RHOH: variants seen among roughly 807,000 people sequenced by gnomAD.
RHOH encodes the protein rho-related GTP-binding protein RhoH.
In RHOH, 6 loss-of-function variants were observed where a neutral mutation model predicts 13.8. The observed-to-expected ratio is 0.44, with a 90% CI of 0.24 to 0.86. RHOH has a LOEUF of 0.86. Ranked by LOEUF, RHOH falls within the 40% of genes least tolerant of loss-of-function variation. The pLI, the probability that RHOH is intolerant of heterozygous loss-of-function variation, is 0.24. For synonymous variants in RHOH, 117 were observed against 103.0 expected (o/e 1.14, Z -0.82); for missense variants, 147 against 244.5 (o/e 0.60, Z 2.66).
rs1726091599 is a variant in RHOH at position 40,218,055 on chromosome 4, T to A, written c.-331+20755T>A. ...TGACTGTTTTAAGGTATGGAGTGCT[T>A]TGTACAAGGTACAAAACTTCTGTCC... is the stretch of plus-strand genomic sequence containing the variant. On this transcript the variant is annotated intron_variant, in intron 1 of 2. Coordinates refer to ENST00000381799, the MANE Select transcript of RHOH (RefSeq NM_004310.5). The surrounding 1 kb of genome is among the most constrained non-coding windows in gnomAD (Gnocchi z 4.1). 6.6e-6 allele frequency: 1 copy of A among 152,174 alleles called. No individual in the cohort carries two copies. The highest frequency in any genetic ancestry group is 2.4e-5 in the African/African-American group (1 of 41,444). The allele number at this position is 152,174 out of a possible 1,614,324, so 9.4% of individuals were successfully genotyped here.
intron 1 of RHOH, among the ~76,000 whole-genome samples, chr4:40,222,472 T>C (rs139902422): frequency 2.3e-4 from 35 of 152,318 alleles, no homozygotes; most frequent in African/African-American, 8.4e-4. Flanking sequence ...TTATGCTAAA[T>C]CTACTTTGCC....
In RHOH at chr4:40,245,921, G is replaced by A. The variant is rs1323786350; in HGVS notation, c.*1959G>A. The A allele has an allele frequency of 1.3e-5, 2 of 152,136 alleles. No individual in the cohort carries two copies. The highest frequency in any genetic ancestry group is 1.9e-4 in the East Asian group (1 of 5,192). The allele number at this position is 152,136 out of a possible 1,614,324, so 9.4% of individuals were successfully genotyped here. A position where few individuals can be genotyped will look rare whatever the true frequency, so the allele number is the denominator to read the frequency against. ...TGATCTCTGGTGGGAGGATTGCCTC[G>A]GTTCCCTGGGGCTGACACAGCTGCC... On this transcript the variant is annotated 3_prime_UTR_variant, in exon 3 of 3. Coordinates refer to ENST00000381799, the MANE Select transcript of RHOH (RefSeq NM_004310.5).
chr4:40,191,855 G>A (rs1722721368), upstream of RHOH, among the ~76,000 whole-genome samples: 1 of 151,716 alleles, frequency 6.6e-6, no homozygotes, highest in Non-Finnish European at 1.5e-5. Context: ...AACAGCAGGG[G>A]AAATGATGTT....
At chr4:40,235,604 A>G (rs1262304621) in intron 1 of RHOH, among the ~76,000 whole-genome samples, 4 of 146,248 alleles carry the variant, frequency 2.7e-5, no homozygotes, top group African/African-American at 7.6e-5. Context: ...AAAAAAAAAA[A>G]AAAAGAAAAA....
intron 1 of RHOH, among the ~76,000 whole-genome samples, chr4:40,207,825 G>A (rs780644770): frequency 1.3e-5 from 2 of 152,120 alleles, no homozygotes; most frequent in African/African-American, 2.4e-5. Flanking sequence ...AAATTAGCCA[G>A]GCGTGGTTGC....
At chr4:40,224,153 T>G (rs1485820442) in intron 1 of RHOH, among the ~76,000 whole-genome samples, 1 of 152,214 alleles carries the variant, frequency 6.6e-6, no homozygotes, top group Admixed American at 6.5e-5. Context: ...TGCAGTGGTC[T>G]GGAACTGAAC....
At chr4:40,215,877 G>C (rs1015171713) in intron 1 of RHOH, among the ~76,000 whole-genome samples, 1 of 152,020 alleles carries the variant, frequency 6.6e-6, no homozygotes, top group Admixed American at 6.5e-5. Flanking sequence ...CCAAAATCAC[G>C]CCACTGCAGT....
intron 1 of RHOH, 135 bp downstream of exon 1, chr4:40,197,435 G>C (rs1723317346): frequency 6.6e-6 from 1 of 152,158 alleles, no homozygotes; most frequent in Admixed American, 6.5e-5. Flanking sequence ...TCAATTTACA[G>C]GGGGACGGGG....
At chr4:40,242,666 AG>A (rs1202235054) in intron 1 of RHOH, 47 bp from the exon 2 acceptor site, 25 of 152,370 alleles carry the variant, frequency 1.6e-4, no homozygotes, top group African/African-American at 5.3e-4. Flanking sequence ...ATAAACAAAA[AG>A]AAATGCATAT....
chr4:40,229,505 A>G (rs888374697), intron 1 of RHOH, among the ~76,000 whole-genome samples: 23 of 152,024 alleles, frequency 1.5e-4, no homozygotes, highest in Non-Finnish European at 2.8e-4. Flanking sequence ...ATGGTGGCAC[A>G]TGCCTGTAGT....
At chr4:40,217,894 CA>C (rs1447432038) in intron 1 of RHOH, 1 of 152,134 alleles carries the variant, frequency 6.6e-6, no homozygotes, top group Non-Finnish European at 1.5e-5. Flanking sequence ...GATGGATGTC[CA>C]ACTCCATATT....
At chr4:40,211,194 A>G (rs1220030028) in intron 1 of RHOH, among the ~76,000 whole-genome samples, 2 of 152,330 alleles carry the variant, frequency 1.3e-5, no homozygotes, top group East Asian at 3.9e-4. Context: ...CTCAAGAGGT[A>G]TGTTTTGTAA....
chr4:40,209,416 C>T (rs1725001323), intron 1 of RHOH: 1 of 151,980 alleles, frequency 6.6e-6, no homozygotes, highest in South Asian at 2.1e-4. Flanking sequence ...TACATTTTAA[C>T]CTGTAAAAAG....
intron 1 of RHOH, among the ~76,000 whole-genome samples, chr4:40,199,467 T>C (rs1723679418): frequency 6.6e-6 from 1 of 152,158 alleles, no homozygotes; most frequent in South Asian, 2.1e-4. Flanking sequence ...CTAGTGAGAA[T>C]ACATATGAAA....
At chr4:40,192,301 G>A (rs1722736734), upstream of RHOH, among the ~76,000 whole-genome samples, 1 of 152,088 alleles carries the variant, frequency 6.6e-6, no homozygotes, top group Non-Finnish European at 1.5e-5. Context: ...TATTTTATTA[G>A]GTGGCATAAA....
At chr4:40,192,588 A>G (rs192322912), upstream of RHOH, among the ~76,000 whole-genome samples, 1 of 152,294 alleles carries the variant, frequency 6.6e-6, no homozygotes, top group Admixed American at 6.5e-5. Context: ...ATATTATTTA[A>G]AAAACCTCAA....
intron 1 of RHOH, among the ~76,000 whole-genome samples, chr4:40,222,445 T>A (rs1186502604): frequency 5.3e-5 from 8 of 152,182 alleles, no homozygotes. Context: ...TTCCAACAGA[T>A]CCTAGGGCCT....
intron 1 of RHOH, among the ~76,000 whole-genome samples, chr4:40,228,435 G>T (rs900576892): frequency 1.3e-5 from 2 of 152,130 alleles, no homozygotes; most frequent in Non-Finnish European, 2.9e-5. Context: ...AAAAAATGAG[G>T]AGAGAAGTTA....
upstream of RHOH, among the ~76,000 whole-genome samples, chr4:40,196,162 C>T (rs116503446): frequency 0.011 from 1,677 of 152,178 alleles, 26 homozygotes; most frequent in African/African-American, 0.036. Flanking sequence ...AGTGTGGGGC[C>T]GATGCACTGA....
Sources: allele counts gnomAD v4.1 joint callset (sites outside exome capture counted in the v4.1 genomes callset), GRCh38; gene constraint gnomAD v4.1.1; non-coding constraint Gnocchi (gnomAD v3.1); transcripts MANE v1.5; gene names NCBI Gene and HGNC (gene_info 2026-07-23, HGNC 2026-07-21).